The following NBAS variants were observed in gnomAD, a reference collection of about 807,000 sequenced individuals.
The protein encoded by NBAS is NAG/BC035112 fusion.
A neutral mutation model predicts 302.5 loss-of-function variants in NBAS; 219 were observed. That is an observed-to-expected ratio of 0.72 (90% CI 0.65 to 0.81). The LOEUF (loss-of-function observed/expected upper bound fraction) is 0.81. Among genes scored for constraint, NBAS ranks in the 30% least tolerant of loss-of-function variants. The pLI is 0.00. For synonymous variants in NBAS, 1,118 were observed against 1,021.6 expected (o/e 1.09, Z -1.80); for missense variants, 2,932 against 2,841.6 (o/e 1.03, Z -0.72).
Position 15,551,499 on chromosome 2 carries a change from A to C in NBAS, c.373T>G (p.Cys125Gly), listed in dbSNP as rs185983651. The C allele has an allele frequency of 5.0e-6, 8 of 1,608,334 alleles. No homozygotes were observed. In the Admixed American group the frequency reaches 1.3e-4, roughly 27 times the overall value. The stretch of plus-strand genomic sequence containing the variant: ...ATATTTTGGAAACTCTTACCTTGAC[A>C]TTTCCCAATAATGGATGTAAAATCA... The part of the protein sequence containing the change: ...KDDFTSIIGK[C>G]QVPKDPKPQW... The change falls in exon 6 of 52, where the codon TGT becomes GGT. Residue 125 changes from cysteine to glycine, a missense_variant. Cys to Gly is a radical substitution (Grantham distance 159). Coordinates refer to ENST00000281513, the MANE Select transcript of NBAS (RefSeq NM_015909.4).
intron 48 of NBAS, among the ~76,000 whole-genome samples, chr2:15,197,370 G>A (rs1414021607): frequency 6.6e-6 from 1 of 152,130 alleles, no homozygotes; most frequent in African/African-American, 2.4e-5. Context: ...GTAACCTGGT[G>A]CAAACAGTCT....
the NBAS span, among the ~76,000 whole-genome samples, chr2:15,010,449 C>G: frequency 6.6e-6 from 1 of 152,160 alleles, no homozygotes; most frequent in South Asian, 2.1e-4. Flanking sequence ...ACCCTCCCAC[C>G]CCCCACCTTA....
the NBAS span, among the ~76,000 whole-genome samples, chr2:14,953,418 A>G: frequency 6.6e-6 from 1 of 152,242 alleles, no homozygotes; most frequent in Non-Finnish European, 1.5e-5. Context: ...AAATAACCTT[A>G]AGAGCATTGC....
At chr2:15,382,934 T>C (rs189669833) in intron 29 of NBAS, among the ~76,000 whole-genome samples, 3 of 152,260 alleles carry the variant, frequency 2.0e-5, no homozygotes, top group Non-Finnish European at 2.9e-5. Context: ...AGACAAGTGT[T>C]AGTGACCACC....
chr2:15,001,919 G>C, the NBAS span, among the ~76,000 whole-genome samples: 1 of 152,142 alleles, frequency 6.6e-6, no homozygotes, highest in East Asian at 1.9e-4. Flanking sequence ...CAGTGTGGAA[G>C]GGGACCCCAG....
At chr2:14,931,985 T>C in the NBAS span, among the ~76,000 whole-genome samples, 1 of 152,232 alleles carries the variant, frequency 6.6e-6, no homozygotes, top group East Asian at 1.9e-4. Context: ...AGCCCATCAT[T>C]TTTAGTTCAC....
At chr2:15,161,684 T>C in the NBAS span, among the ~76,000 whole-genome samples, 2 of 152,172 alleles carry the variant, frequency 1.3e-5, no homozygotes, top group Non-Finnish European at 2.9e-5. Context: ...ATGGGGGAAC[T>C]TGCAGTGGCT....
At chr2:14,933,830 C>A in the NBAS span, among the ~76,000 whole-genome samples, 1 of 152,146 alleles carries the variant, frequency 6.6e-6, no homozygotes, top group African/African-American at 2.4e-5. Context: ...TATAACCAGC[C>A]TTTCATCTAG....
chr2:15,162,455 G>A (rs879329237), downstream of NBAS, among the ~76,000 whole-genome samples: 3 of 152,126 alleles, frequency 2.0e-5, no homozygotes, highest in Admixed American at 6.6e-5. Context: ...GACAGCCACC[G>A]GGGGAGCAGA....
chr2:14,995,479 C>G, the NBAS span, among the ~76,000 whole-genome samples: 1 of 152,230 alleles, frequency 6.6e-6, no homozygotes, highest in South Asian at 2.1e-4. Flanking sequence ...TGCACCTGTT[C>G]TAAGCCCTTG....
chr2:15,275,847 G>A (rs1328353150), intron 43 of NBAS, 29 bp from the exon 44 acceptor site: 2 of 1,589,772 alleles, frequency 1.3e-6, no homozygotes, highest in Admixed American at 1.7e-5. Context: ...AAGTAGGTAA[G>A]TGGTTCATTC....
chr2:14,979,837 A>G, the NBAS span, among the ~76,000 whole-genome samples: 11 of 152,212 alleles, frequency 7.2e-5, no homozygotes, highest in Non-Finnish European at 1.6e-4. Flanking sequence ...GTGCGTTAGG[A>G]AAAAGTGTAG....
chr2:15,481,690 C>T (rs1002715759), intron 12 of NBAS, among the ~76,000 whole-genome samples: 1 of 152,122 alleles, frequency 6.6e-6, no homozygotes, highest in African/African-American at 2.4e-5. Context: ...ACACAATACC[C>T]CAAAGTATAA....
intron 9 of NBAS, among the ~76,000 whole-genome samples, chr2:15,514,383 A>G (rs1394233312): frequency 6.6e-6 from 1 of 152,234 alleles, no homozygotes; most frequent in African/African-American, 2.4e-5. Flanking sequence ...GTAATCTGGA[A>G]TATCCAAAGT....
chr2:15,228,484 T>C (rs938227059), intron 47 of NBAS, among the ~76,000 whole-genome samples: 1 of 152,212 alleles, frequency 6.6e-6, no homozygotes, highest in Non-Finnish European at 1.5e-5. Flanking sequence ...ATCCCGTTAC[T>C]GAGTATACAT....
At chr2:14,921,862 G>T in the NBAS span, among the ~76,000 whole-genome samples, 26 of 152,096 alleles carry the variant, frequency 1.7e-4, 1 homozygote, top group Admixed American at 2.0e-4. Context: ...ACTTGTCTTT[G>T]CTTTAATGAC....
intron 47 of NBAS, among the ~76,000 whole-genome samples, chr2:15,226,950 T>C (rs1269445502): frequency 6.6e-6 from 1 of 152,194 alleles, no homozygotes; most frequent in East Asian, 1.9e-4. Flanking sequence ...TGTGATGTGT[T>C]GAATAAAAGT....
chr2:15,258,157 T>C (rs1668688948), intron 44 of NBAS, among the ~76,000 whole-genome samples: 1 of 152,188 alleles, frequency 6.6e-6, no homozygotes, highest in Admixed American at 6.5e-5. Flanking sequence ...TCCCTAATAC[T>C]CATAATTTCT....
At chr2:14,795,414 A>G in the NBAS span, among the ~76,000 whole-genome samples, 10 of 151,606 alleles carry the variant, frequency 6.6e-5, no homozygotes, top group South Asian at 2.1e-3. Flanking sequence ...TGTCTATTCA[A>G]ATATTGGTCC....
Sources: allele counts gnomAD v4.1 joint callset (sites outside exome capture counted in the v4.1 genomes callset), GRCh38; gene constraint gnomAD v4.1.1; transcripts MANE v1.5; gene names NCBI Gene and HGNC (gene_info 2026-07-23, HGNC 2026-07-21).